Variants in DTNA observed in about 807,000 individuals in gnomAD.
DTNA encodes dystrobrevin alpha.
Under a neutral mutation model 100.7 loss-of-function variants are expected in DTNA, and 43 were observed. The observed-to-expected ratio is 0.43, with a 90% CI of 0.33 to 0.55. DTNA has a LOEUF of 0.55. DTNA is among the 20% of genes least tolerant of loss of function. The probability of loss-of-function intolerance (pLI) is 0.04; values close to 1 mark genes in which losing one functional copy is unlikely to be tolerated. For synonymous variants in DTNA, 349 were observed against 347.9 expected, an observed-to-expected ratio of 1.00 and a Z score of -0.04; for missense variants, 798 against 953.9, an observed-to-expected ratio of 0.84 and a Z score of 2.15.
chr18:34,692,992 A>G (rs2079995731), intron 1 of DTNA, among the ~76,000 whole-genome samples: 2 of 152,178 alleles, frequency 1.3e-5, no homozygotes, highest in African/African-American at 4.8e-5. Flanking sequence ...GAAGTACATA[A>G]ACACATTCTG....
At chr18:34,546,764 T>TTTC (rs2044825411) in intron 1 of DTNA, among the ~76,000 whole-genome samples, 1 of 147,970 alleles carries the variant, frequency 6.8e-6, no homozygotes, top group Admixed American at 6.7e-5. Flanking sequence ...TCTTTCTTTC[T>TTTC]TTTTTTTTTA....
At chr18:34,616,663 A>G (rs2147731785) in intron 1 of DTNA, among the ~76,000 whole-genome samples, 1 of 152,252 alleles carries the variant, frequency 6.6e-6, no homozygotes, top group East Asian at 1.9e-4. Flanking sequence ...TATGTGAACA[A>G]TGTCATTAAT....
At position 34,592,502 on chromosome 18, in the gene DTNA, A is replaced by ACACACG. The variant is rs1371552393; in HGVS notation, c.-2+98992_-2+98993insCGCACA. On this transcript the variant is annotated intron_variant, in intron 1 of 19. Transcript: ENST00000283365. ...CACACACACACACACACACACACACACACATTTTGTTTTCCAGTCCGCACT... is the reference window on the plus strand; with the variant it reads ...CACACACACACACACACACACACACACACACGCACATTTTGTTTTCCAGTCCGCACT... Among the ~76,000 whole-genome samples the ACACACG allele has an allele frequency of 3.4e-3, 517 of 150,608 alleles. 6 individuals are homozygous for ACACACG. Among genetic ancestry groups the ACACACG allele is most frequent in the African/African-American group, 5.5e-3 (226 of 40,988 alleles).
chr18:34,644,927 G>C (rs2143333114), intron 1 of DTNA, among the ~76,000 whole-genome samples: 2 of 152,186 alleles, frequency 1.3e-5, no homozygotes, highest in Non-Finnish European at 2.9e-5. Flanking sequence ...TGTATACTAA[G>C]TATTTGAATT....
intron 3 of DTNA, among the ~76,000 whole-genome samples, chr18:34,768,248 C>T (rs2093590864): frequency 6.6e-6 from 1 of 151,878 alleles, no homozygotes; most frequent in Non-Finnish European, 1.5e-5. Flanking sequence ...TCCTTAGGCT[C>T]CTTTCAGGAG....
intron 1 of DTNA, among the ~76,000 whole-genome samples, chr18:34,519,234 G>A (rs1310208904): frequency 6.6e-6 from 1 of 152,118 alleles, no homozygotes; most frequent in Non-Finnish European, 1.5e-5. Flanking sequence ...TAAAGCTTGT[G>A]GGAGAATTTC....
intron 1 of DTNA, among the ~76,000 whole-genome samples, chr18:34,640,376 CCTT>C (rs1326335671): frequency 1.2e-4 from 18 of 152,162 alleles, no homozygotes; most frequent in Non-Finnish European, 7.3e-5. Context: ...AGACAATTGT[CCTT>C]CTGGCTTTAC....
chr18:34,824,218 G>A (rs2149490608), intron 9 of DTNA, among the ~76,000 whole-genome samples: 1 of 152,348 alleles, frequency 6.6e-6, no homozygotes, highest in South Asian at 2.1e-4. Flanking sequence ...GCTCACGCCT[G>A]TAATCCCAGC....
Position 34,735,101 on chromosome 18 carries a change from T to TAC in DTNA, c.-1-20873_-1-20872dup, listed in dbSNP as rs1386999319. On this transcript the variant is annotated intron_variant, in intron 1 of 22. Transcript: ENST00000444659. ...ACACACACACACACTCACATATATATACATGTGTAAGGAGAGCCAGTCCAA... is the reference window on the plus strand; with the variant it reads ...ACACACACACACACTCACATATATATACACATGTGTAAGGAGAGCCAGTCCAA... 2.0e-5 allele frequency among the ~76,000 whole-genome samples: 3 copies of TAC among 152,044 alleles called. No individual in the cohort carries two copies. The East Asian group carries it at 5.8e-4, about 29-fold the overall frequency.
intron 1 of DTNA, among the ~76,000 whole-genome samples, chr18:34,596,216 TTTTTGTTTTG>T (rs113199571): frequency 6.6e-6 from 1 of 152,074 alleles, no homozygotes; most frequent in Non-Finnish European, 1.5e-5. Flanking sequence ...GTTGGTTGGT[TTTTTGTTTTG>T]TTTTGTTTTG....
intron 1 of DTNA, among the ~76,000 whole-genome samples, chr18:34,651,309 A>C (rs2060415634): frequency 6.6e-6 from 1 of 152,216 alleles, no homozygotes; most frequent in Non-Finnish European, 1.5e-5. Flanking sequence ...TATGAGGATA[A>C]AACAAGGTAA....
intron 2 of DTNA, among the ~76,000 whole-genome samples, chr18:34,761,026 A>G (rs556543550): frequency 3.9e-5 from 6 of 152,106 alleles, no homozygotes; most frequent in South Asian, 2.1e-4. Context: ...CCACTCAGCT[A>G]CCTAAGGTAG....
At chr18:34,559,777 C>A (rs1203994016) in intron 1 of DTNA, among the ~76,000 whole-genome samples, 1 of 152,196 alleles carries the variant, frequency 6.6e-6, no homozygotes, top group Admixed American at 6.5e-5. Context: ...AGTCTCAGAA[C>A]TAGACTTCCT....
chr18:34,753,368 TTTTTTTTTTTTTTTATTTTTTA>T (rs1568412654), intron 1 of DTNA, among the ~76,000 whole-genome samples: 6 of 93,116 alleles, frequency 6.4e-5, no homozygotes, highest in African/African-American at 3.7e-4. Context: ...TTTATTTTAT[TTTTTTTTTTTTTTTATTTTTTA>T]TTTTTTTTTT....
At chr18:34,828,023 G>A (rs1790527) in intron 10 of DTNA, among the ~76,000 whole-genome samples, 39,642 of 151,972 alleles carry the variant, frequency 0.26, 5,363 homozygotes, top group African/African-American at 0.32. Flanking sequence ...GGAATTTCAG[G>A]ATGCAATGGT....
chr18:34,631,010 C>T (rs768103978), intron 1 of DTNA, among the ~76,000 whole-genome samples: 16 of 152,028 alleles, frequency 1.1e-4, no homozygotes, highest in Non-Finnish European at 1.8e-4. Context: ...CTAGGAGACA[C>T]AGAGTCAATC....
intron 1 of DTNA, among the ~76,000 whole-genome samples, chr18:34,583,937 A>G (rs544908726): frequency 1.3e-5 from 2 of 152,290 alleles, no homozygotes; most frequent in Admixed American, 6.5e-5. Context: ...CAAGCTTAGC[A>G]TTATTGGGGA....
chr18:34,632,728 A>C (rs1012468505), intron 1 of DTNA, among the ~76,000 whole-genome samples: 13 of 152,152 alleles, frequency 8.5e-5, no homozygotes, highest in Non-Finnish European at 1.3e-4. Flanking sequence ...AGAAATCTTA[A>C]TTTTAATTCA....
chr18:34,813,460 GT>G (rs2095527317), intron 6 of DTNA, among the ~76,000 whole-genome samples: 1 of 149,974 alleles, frequency 6.7e-6, no homozygotes, highest in African/African-American at 2.5e-5. Context: ...AAAAAAAAAG[GT>G]ATATCCCTGC....
Sources: gnomAD v4.1 joint callset for allele counts (sites outside exome capture counted in the v4.1 genomes callset) on GRCh38, gnomAD v4.1.1 for gene constraint, MANE v1.5 for transcripts, NCBI Gene and HGNC (gene_info 2026-07-23, HGNC 2026-07-21) for gene names.